Variants in WWOX observed in about 807,000 individuals in gnomAD.
WWOX encodes WW domain-containing oxidoreductase.
A neutral mutation model predicts 46.2 loss-of-function variants in WWOX; 69 were observed. That is an observed-to-expected ratio of 1.49 (90% CI 1.23 to 1.82). The LOEUF is 1.82. WWOX is among the 40% of genes most tolerant of loss of function. WWOX has a pLI of 0.00. For missense variants in WWOX, 919 were observed against 542.6 expected, an observed-to-expected ratio of 1.69 and a Z score of -6.89; for synonymous variants, 359 against 202.6, an observed-to-expected ratio of 1.77 and a Z score of -6.56.
chr16:78,827,100 C>G lies in WWOX; in HGVS notation c.1057-384508C>G, dbSNP rs116173132. Among the ~76,000 whole-genome samples, 576 of 152,250 alleles carry G rather than the reference C, an allele frequency of 3.8e-3. 2 individuals are homozygous for G. Among genetic ancestry groups the G allele is most frequent in the African/African-American group, 0.013 (545 of 41,554 alleles). On this transcript the variant is annotated intron_variant, in intron 8 of 8. Transcript: ENST00000566780. ...GTTTCTCTGGTCACAAACCTGCTCT[C>G]CTCTCCAGAACTCCAGGATGCCTTT...
At chr16:79,122,991 C>T (rs1449781219) in intron 8 of WWOX, among the ~76,000 whole-genome samples, 1 of 152,170 alleles carries the variant, frequency 6.6e-6, no homozygotes, top group Non-Finnish European at 1.5e-5. Flanking sequence ...TTCCAGTTGC[C>T]CTTTTCCTTC....
At chr16:78,862,375 A>G (rs926491429) in intron 8 of WWOX, among the ~76,000 whole-genome samples, 4 of 151,398 alleles carry the variant, frequency 2.6e-5, no homozygotes, top group African/African-American at 9.7e-5. Context: ...TATAGTATAT[A>G]GAGTATACAT....
At chr16:78,131,470 C>G (rs927976537) in intron 4 of WWOX, among the ~76,000 whole-genome samples, 1 of 152,212 alleles carries the variant, frequency 6.6e-6, no homozygotes, top group Non-Finnish European at 1.5e-5. Flanking sequence ...TTGCCTCAGC[C>G]TCCCAAAGTA....
intron 1 of WWOX, among the ~76,000 whole-genome samples, chr16:78,101,489 G>C (rs2031786874): frequency 1.3e-5 from 2 of 151,972 alleles, no homozygotes; most frequent in South Asian, 2.1e-4. Context: ...TGGGATTACA[G>C]GCGCCCGCCA....
At position 78,843,708 on chromosome 16, in the gene WWOX, A is replaced by G. The variant is rs543532383; in HGVS notation, c.1057-367900A>G. 3.3e-5 allele frequency among the ~76,000 whole-genome samples: 5 copies of G among 152,372 alleles called. No individual in the cohort carries two copies. In the East Asian group the frequency reaches 9.6e-4, roughly 29 times the overall value. On this transcript the variant is annotated intron_variant, in intron 8 of 8. Coordinates refer to ENST00000566780, the MANE Select transcript of WWOX (RefSeq NM_016373.4). ...TCAGCATGGATGCAAATAATGTATC[A>G]TTAAGTAAGTCCACAAAACAAAGAC...
intron 8 of WWOX, among the ~76,000 whole-genome samples, chr16:78,702,185 C>G (rs111952561): frequency 3.1e-4 from 46 of 146,498 alleles, no homozygotes; most frequent in African/African-American, 1.2e-3. Context: ...GAGGCCGAGG[C>G]AGGAGAGTCA....
intron 8 of WWOX, among the ~76,000 whole-genome samples, chr16:78,651,323 T>C (rs1184303445): frequency 1.3e-5 from 2 of 152,242 alleles, no homozygotes; most frequent in African/African-American, 2.4e-5. Flanking sequence ...CTGTGGTTCC[T>C]TTGTGTCTAC....
Position 78,349,881 on chromosome 16 carries a change from C to G in WWOX, c.517-36979C>G, listed in dbSNP as rs184804030. 1.7e-5 allele frequency among the ~76,000 whole-genome samples: 2 copies of G among 120,920 alleles called. 1 individual carries two copies. Among genetic ancestry groups the G allele is most frequent in the Non-Finnish European group, 3.9e-5 (2 of 50,662 alleles). 79.3% of individuals were successfully genotyped at this position (120,920 alleles called of 152,430 possible). Reference sequence around the variant, plus strand: ...TTCTGGGCTCAGCTTTTGACTCAGTCTCATTCCCCAGAAATAATCCCTGTT... The same window carrying G: ...TTCTGGGCTCAGCTTTTGACTCAGTGTCATTCCCCAGAAATAATCCCTGTT... On this transcript the variant is annotated intron_variant, in intron 5 of 8. Transcript: ENST00000566780.
At chr16:79,006,023 T>C (rs1597265425) in intron 8 of WWOX, among the ~76,000 whole-genome samples, 1 of 152,232 alleles carries the variant, frequency 6.6e-6, no homozygotes, top group East Asian at 1.9e-4. Context: ...GGTCACCTCT[T>C]ATGTGCTAGG....
At chr16:78,984,561 C>G (rs778365990) in intron 8 of WWOX, among the ~76,000 whole-genome samples, 163 of 152,168 alleles carry the variant, frequency 1.1e-3, no homozygotes, top group Non-Finnish European at 1.7e-3. Context: ...CTCACATGAG[C>G]AGAGAGTTCT....
chr16:79,072,910 C>T (rs2048578289), intron 8 of WWOX, among the ~76,000 whole-genome samples: 2 of 152,098 alleles, frequency 1.3e-5, no homozygotes, highest in South Asian at 2.1e-4. Context: ...AGTTTAGTTG[C>T]CACTTTCAGC....
At chr16:78,566,863 G>A (rs755600824) in intron 8 of WWOX, among the ~76,000 whole-genome samples, 6 of 152,156 alleles carry the variant, frequency 3.9e-5, no homozygotes, top group Admixed American at 1.3e-4. Context: ...CATCAGTTCA[G>A]AGTTGAAAGA....
At chr16:78,878,047 C>G (rs1444830323) in intron 8 of WWOX, among the ~76,000 whole-genome samples, 1 of 152,134 alleles carries the variant, frequency 6.6e-6, no homozygotes, top group Non-Finnish European at 1.5e-5. Context: ...GAGGAAGATC[C>G]CCTAAGACAA....
intron 5 of WWOX, among the ~76,000 whole-genome samples, chr16:78,191,882 A>G (rs79179404): frequency 0.013 from 1,923 of 152,354 alleles, 91 homozygotes; most frequent in East Asian, 0.087. Context: ...GAATGCCTGT[A>G]CTTGGAATAT....
chr16:78,941,959 G>A (rs1171045516), intron 8 of WWOX, among the ~76,000 whole-genome samples: 1 of 152,064 alleles, frequency 6.6e-6, no homozygotes, highest in Admixed American at 6.5e-5. Flanking sequence ...TATTCCGTAG[G>A]AAAATGTAGA....
chr16:78,134,289 A>C (rs1341370908), intron 4 of WWOX, among the ~76,000 whole-genome samples: 1 of 152,244 alleles, frequency 6.6e-6, no homozygotes, highest in Non-Finnish European at 1.5e-5. Context: ...AAATTTAACC[A>C]TATTTTTAAT....
chr16:78,686,657 A>C (rs550410195), intron 8 of WWOX, among the ~76,000 whole-genome samples: 2 of 152,192 alleles, frequency 1.3e-5, no homozygotes. Context: ...GAAGTCCTCC[A>C]GTTTGAGAAC....
chr16:78,542,439 C>G (rs981391873), intron 8 of WWOX, among the ~76,000 whole-genome samples: 1 of 152,074 alleles, frequency 6.6e-6, no homozygotes, highest in African/African-American at 2.4e-5. Context: ...CCCCAGTTTG[C>G]GTTTGAATTT....
At chr16:78,859,024 AAAAATATATATATATATATATATATGT>A (rs1294994818) in intron 8 of WWOX, among the ~76,000 whole-genome samples, 165 of 33,028 alleles carry the variant, frequency 5.0e-3, no homozygotes, top group African/African-American at 0.023. Context: ...AAAAAAAAAA[AAAAATATATATATATATATATATATGT>A]ATATATATAT....
Sources: allele counts gnomAD v4.1 joint callset (sites outside exome capture counted in the v4.1 genomes callset), GRCh38; gene constraint gnomAD v4.1.1; transcripts MANE v1.5; gene names NCBI Gene and HGNC (gene_info 2026-07-23, HGNC 2026-07-21).